KIF13B: variants seen among roughly 807,000 people sequenced by gnomAD.
KIF13B encodes kinesin family member 13B, also known as kinesin-like protein KIF13B.
Under a neutral mutation model 222.0 loss-of-function variants are expected in KIF13B, and 127 were observed. The observed-to-expected ratio is 0.57, with a 90% CI of 0.50 to 0.66. The LOEUF is 0.66. Among genes scored for constraint, KIF13B ranks in the 30% least tolerant of loss-of-function variants. The pLI is 0.00. For synonymous variants in KIF13B, 976 were observed against 919.0 expected (o/e 1.06, Z -1.12); for missense variants, 2,173 against 2,379.0 (o/e 0.91, Z 1.80).
intron 29 of KIF13B, among the ~76,000 whole-genome samples, chr8:29,121,358 A>C (rs1234360297): frequency 3.7e-5 from 2 of 54,122 alleles, no homozygotes; most frequent in African/African-American, 1.5e-4. Context: ...CAAAACAGAG[A>C]TATAGATCAA....
intron 34 of KIF13B, among the ~76,000 whole-genome samples, chr8:29,108,730 T>A (rs1809216716): frequency 6.6e-6 from 1 of 152,216 alleles, no homozygotes; most frequent in Admixed American, 6.5e-5. Context: ...AGCGTGAAAC[T>A]CCTCCTATCA....
In KIF13B at chr8:29,167,491, G is replaced by A. The variant is rs372174415; in HGVS notation, c.1040C>T (p.Ala347Val). 1.9e-6 allele frequency: 3 copies of A among 1,613,944 alleles called. No homozygotes were observed. The highest frequency in any genetic ancestry group is 2.5e-6 in the Non-Finnish European group (3 of 1,179,814). ...GTTTACAATGTGCTTGGCTCGATCT[G>A]CATACCGCAGAGTTGAGAGGGTTTC... ...YDETLSTLRY[A>V]DRAKHIVNHA... Residue 347 changes from alanine to valine, a missense_variant, in exon 11 of 40, where the codon GCA becomes GTA. Coordinates refer to ENST00000524189, the MANE Select transcript of KIF13B (RefSeq NM_015254.4).
chr8:29,194,222 A>G (rs1813316672), intron 3 of KIF13B, among the ~76,000 whole-genome samples: 1 of 151,294 alleles, frequency 6.6e-6, no homozygotes, highest in Non-Finnish European at 1.5e-5. Flanking sequence ...ACCCACAGAT[A>G]CAGAAGGCCA....
chr8:29,091,059 G>T (rs1376811110), intron 37 of KIF13B, among the ~76,000 whole-genome samples: 1 of 152,146 alleles, frequency 6.6e-6, no homozygotes, highest in Non-Finnish European at 1.5e-5. Context: ...ATTTGTATGA[G>T]GCCAGTTTTC....
At chr8:29,082,933 GGT>G (rs1428952188) in intron 37 of KIF13B, among the ~76,000 whole-genome samples, 2 of 152,252 alleles carry the variant, frequency 1.3e-5, no homozygotes, top group African/African-American at 4.8e-5. Context: ...AAGACCAGCC[GGT>G]GTGACATAGG....
intron 2 of KIF13B, among the ~76,000 whole-genome samples, chr8:29,210,783 G>A (rs1168524687): frequency 6.6e-6 from 1 of 152,206 alleles, no homozygotes; most frequent in East Asian, 1.9e-4. Context: ...GTTTCAGAGA[G>A]TTTTCATCAA....
intron 37 of KIF13B, 80 bp from the exon 38 acceptor site, chr8:29,075,423 G>A (rs1563680163): frequency 3.8e-6 from 5 of 1,325,780 alleles, no homozygotes; most frequent in South Asian, 1.4e-5. Flanking sequence ...ACAGGCTGGA[G>A]GGCCAGGACC....
chr8:29,153,416 A>G (rs1298739087), intron 14 of KIF13B, among the ~76,000 whole-genome samples: 2 of 152,204 alleles, frequency 1.3e-5, no homozygotes, highest in East Asian at 3.8e-4. Flanking sequence ...AGGAAAATTT[A>G]CCAGTTCCAC....
chr8:29,218,940 A>G (rs1396388905), intron 2 of KIF13B: 1 of 152,242 alleles, frequency 6.6e-6, no homozygotes, highest in Non-Finnish European at 1.5e-5. Flanking sequence ...CTCATATGCA[A>G]CCTCTGTGCA....
chr8:29,263,127 A>G (rs1358824186), upstream of KIF13B: 6 of 624,240 alleles, frequency 9.6e-6, no homozygotes, highest in African/African-American at 4.4e-5. Context: ...CCGGGGGCGG[A>G]GCCGGGGGTG....
chr8:29,083,463 C>T (rs959190546), intron 37 of KIF13B, among the ~76,000 whole-genome samples: 13 of 152,224 alleles, frequency 8.5e-5, no homozygotes, highest in African/African-American at 3.1e-4. Context: ...TGCACCTCTT[C>T]AATCGACTTC....
chr8:29,162,282 T>A (rs932615917), intron 12 of KIF13B, among the ~76,000 whole-genome samples: 1 of 152,268 alleles, frequency 6.6e-6, no homozygotes, highest in Non-Finnish European at 1.5e-5. Context: ...AGTTTCACAA[T>A]TTTGCTATTT....
chr8:29,152,011 A>G (rs911722373), intron 14 of KIF13B, among the ~76,000 whole-genome samples: 3 of 152,220 alleles, frequency 2.0e-5, no homozygotes, highest in Non-Finnish European at 4.4e-5. Context: ...AAAAATATCA[A>G]CATTAACAAG....
At chr8:29,194,769 G>C (rs17059771) in intron 3 of KIF13B, among the ~76,000 whole-genome samples, 20,155 of 152,086 alleles carry the variant, frequency 0.13, 1,484 homozygotes, top group South Asian at 0.15. Context: ...GAAAAATCAA[G>C]GTCTCCCTGT....
At chr8:29,228,472 A>AATATATATATATATATATAT (rs1491523107) in intron 2 of KIF13B, among the ~76,000 whole-genome samples, 15 of 117,080 alleles carry the variant, frequency 1.3e-4, no homozygotes, top group Middle Eastern at 4.4e-3. Flanking sequence ...ATCTTAAAAA[A>AATATATATATATATATATAT]ATATATATAT....
intron 25 of KIF13B, 136 bp from the exon 26 acceptor site, chr8:29,126,647 C>G: frequency 1.5e-6 from 1 of 656,768 alleles, no homozygotes; most frequent in Non-Finnish European, 2.7e-6. Flanking sequence ...TCCCACCTAC[C>G]CACACCCTCA....
chr8:29,147,268 C>T, intron 17 of KIF13B, 124 bp downstream of exon 17: 1 of 735,852 alleles, frequency 1.4e-6, no homozygotes, highest in Non-Finnish European at 2.2e-6. Context: ...GCTGTTAACA[C>T]TTATCTTTTA....
intron 18 of KIF13B, among the ~76,000 whole-genome samples, chr8:29,143,848 A>C (rs532580919): frequency 6.6e-6 from 1 of 152,056 alleles, no homozygotes; most frequent in African/African-American, 2.4e-5. Context: ...GTCTCAAAAA[A>C]AATAATAATA....
At chr8:29,220,175 A>C (rs574763256) in intron 2 of KIF13B, among the ~76,000 whole-genome samples, 56 of 152,314 alleles carry the variant, frequency 3.7e-4, no homozygotes, top group African/African-American at 1.2e-3. Flanking sequence ...TTAAAGAAAA[A>C]AACTGAAATG....
Sources: gnomAD v4.1 joint callset for allele counts (sites outside exome capture counted in the v4.1 genomes callset) on GRCh38, gnomAD v4.1.1 for gene constraint, MANE v1.5 for transcripts, NCBI Gene and HGNC (gene_info 2026-07-23, HGNC 2026-07-21) for gene names.